The following ZNF791 variants were observed in gnomAD, a reference collection of about 807,000 sequenced individuals.
ZNF791 encodes the protein zinc finger protein 791.
In ZNF791, 4 loss-of-function variants were observed where a neutral mutation model predicts 11.5. The ratio of observed to expected loss-of-function variants is 0.35; its 90% confidence interval spans 0.17 to 0.80. ZNF791 has a LOEUF of 0.80. ZNF791 is among the 30% of genes least tolerant of loss of function. The pLI is 0.53. For synonymous variants in ZNF791, 212 were observed against 228.1 expected (o/e 0.93, Z 0.64); for missense variants, 559 against 699.4 (o/e 0.80, Z 2.26).
chr19:12,623,541 T>C, intron 1 of ZNF791, 159 bp from the exon 2 acceptor site: 1 of 846,374 alleles, frequency 1.2e-6, no homozygotes, highest in South Asian at 1.6e-5. Flanking sequence ...AAGATGTAGC[T>C]ATAAGTTTAT....
intron 1 of ZNF791, among the ~76,000 whole-genome samples, chr19:12,620,953 G>T (rs1329259085): frequency 6.6e-6 from 1 of 151,726 alleles, no homozygotes; most frequent in Non-Finnish European, 1.5e-5. Context: ...TAGAGGCAGG[G>T]TTTCTCCATG....
intron 1 of ZNF791, among the ~76,000 whole-genome samples, chr19:12,621,684 A>G (rs1371064362): frequency 4.2e-5 from 6 of 142,378 alleles, no homozygotes; most frequent in Admixed American, 2.8e-4. Flanking sequence ...AAGATTCTCA[A>G]TGTGTATTTA....
intron 1 of ZNF791, among the ~76,000 whole-genome samples, chr19:12,622,360 ATTAAAAAAAATAATAAAT>A (rs1393681124): frequency 1.4e-5 from 2 of 140,076 alleles, no homozygotes; most frequent in Admixed American, 1.5e-4. Context: ...AAAAAAATAA[ATTAAAAAAAATAATAAAT>A]AAAAAAAATA....
In ZNF791 at chr19:12,618,640, G is replaced by T. The variant is rs186119423; in HGVS notation, c.4-5060G>T. On this transcript the variant is annotated intron_variant, in intron 1 of 3. Coordinates refer to ENST00000343325, the MANE Select transcript of ZNF791 (RefSeq NM_153358.3). ...TAGCTGGGTATGGTGGTGCGTGCCT[G>T]TAATCCCAGCTACTCAGGAGGCTGA... Among the ~76,000 whole-genome samples, 1,286 of 151,830 alleles carry T rather than the reference G, an allele frequency of 8.5e-3. 9 individuals are homozygous for T. Among genetic ancestry groups the T allele is most frequent in the Non-Finnish European group, 0.013 (864 of 67,926 alleles).
chr19:12,619,469 AG>A (rs2023300482), intron 1 of ZNF791, among the ~76,000 whole-genome samples: 7 of 57,524 alleles, frequency 1.2e-4, no homozygotes, highest in Non-Finnish European at 2.3e-4. Context: ...TTTTTTTTTG[AG>A]ACGGAGTCTC....
intron 1 of ZNF791, among the ~76,000 whole-genome samples, chr19:12,613,229 G>T (rs935147905): frequency 1.3e-5 from 2 of 151,628 alleles, no homozygotes; most frequent in African/African-American, 4.8e-5. Context: ...CAAAGTGCTG[G>T]GATTATAGGT....
At chr19:12,620,434 C>T (rs564532916) in intron 1 of ZNF791, among the ~76,000 whole-genome samples, 2 of 152,132 alleles carry the variant, frequency 1.3e-5, no homozygotes, top group Non-Finnish European at 2.9e-5. Flanking sequence ...CCTCAGCCTC[C>T]CAAAGTGCTG....
At position 12,614,436 on chromosome 19, in the gene ZNF791, C is replaced by T. The variant is rs948304123; in HGVS notation, c.3+3354C>T. 5.9e-5 allele frequency among the ~76,000 whole-genome samples: 9 copies of T among 151,860 alleles called. No homozygotes were observed. In the East Asian group the frequency reaches 1.7e-3, roughly 29 times the overall value. ...ATTTTTAGTAGAGACGGGGTTTCACCGTGTTGACCAGGCTGGTCTCAAATT... is the reference window on the plus strand; with the variant it reads ...ATTTTTAGTAGAGACGGGGTTTCACTGTGTTGACCAGGCTGGTCTCAAATT... On this transcript the variant is annotated intron_variant, in intron 1 of 3. Coordinates refer to ENST00000343325, the MANE Select transcript of ZNF791 (RefSeq NM_153358.3).
intron 1 of ZNF791, among the ~76,000 whole-genome samples, chr19:12,622,162 G>A (rs552754415): frequency 1.5e-3 from 204 of 132,000 alleles, no homozygotes; most frequent in African/African-American, 5.3e-3. Context: ...CAGCATGCTC[G>A]TTAAGAGTCA....
rs375839185 is a variant in ZNF791 at position 12,624,658 on chromosome 19, T to C, written c.139T>C (p.Trp47Arg). Residue 47 changes from tryptophan to arginine, a missense_variant, in exon 3 of 4, where the codon TGG (tryptophan) becomes CGG (arginine). Trp to Arg is a moderately radical substitution (Grantham distance 101). Transcript: ENST00000343325. ...FKNLASIGEKWEDPNVEDQHK... is the reference protein window; with the variant it reads ...FKNLASIGEKREDPNVEDQHK... ...CTTGATCTACATTTTAGGGGAAAAA[T>C]GGGAAGACCCGAATGTTGAAGATCA... The C allele has an allele frequency of 1.9e-6, 3 of 1,605,262 alleles. No homozygotes were observed. The African/African-American group carries it at 4.0e-5, about 22-fold the overall frequency.
At chr19:12,621,748 C>G (rs1484648742) in intron 1 of ZNF791, among the ~76,000 whole-genome samples, 1 of 123,890 alleles carries the variant, frequency 8.1e-6, no homozygotes, top group Admixed American at 7.9e-5. Flanking sequence ...CGGCCAGCCG[C>G]CCCGTCCGGG....
intron 1 of ZNF791, among the ~76,000 whole-genome samples, chr19:12,611,367 G>A (rs1192129190): frequency 6.6e-6 from 1 of 152,204 alleles, no homozygotes; most frequent in Non-Finnish European, 1.5e-5. Context: ...ACAGTCTGGG[G>A]TTCCCAGTCC....
chr19:12,628,548 G>C lies in ZNF791; in HGVS notation c.1019G>C (p.Arg340Pro). 6.2e-7 allele frequency: 1 copy of C among 1,601,852 alleles called. No homozygotes were observed. The highest frequency in any genetic ancestry group is 8.5e-7 in the Non-Finnish European group (1 of 1,174,428). ...GAATGTGGGAAATCTTTCAGTGCAC[G>C]CCCAGCCTTTCGAGTACACGTGAGA... ...CKECGKSFSA[R>P]PAFRVHVRVH... Residue 340 changes from arginine to proline, a missense_variant, in exon 4 of 4, where the codon CGC becomes CCC. Transcript: ENST00000343325.
chr19:12,621,806 C>T (rs1294333286), intron 1 of ZNF791, among the ~76,000 whole-genome samples: 15 of 136,954 alleles, frequency 1.1e-4, no homozygotes, highest in African/African-American at 2.5e-4. Flanking sequence ...CCGCCCCGTC[C>T]GGGAGGTGAG....
rs181608165 is a variant in ZNF791, at chr19:12,632,447, C to T, written c.*3187C>T. On this transcript the variant is annotated 3_prime_UTR_variant, in exon 4 of 4. Transcript: ENST00000343325. ...ATGTGGAAGGTGGTGCATATATTAC[C>T]CATTATATATTTATTTCACCTTTTC... The T allele has an allele frequency of 5.3e-5, 8 of 151,980 alleles. No individual in the cohort carries two copies. The highest frequency in any genetic ancestry group is 1.9e-4 in the African/African-American group (8 of 41,464). The allele number at this position is 151,980 out of a possible 1,614,324, so 9.4% of individuals were successfully genotyped here.
At position 12,630,456 on chromosome 19, in the gene ZNF791, A is replaced by G. The variant is rs796738197; in HGVS notation, c.*1196A>G. The G allele has an allele frequency of 4.7e-5, 7 of 147,726 alleles. No homozygotes were observed. Among genetic ancestry groups the G allele is most frequent in the Non-Finnish European group, 9.0e-5 (6 of 66,830 alleles). The allele number at this position is 147,726 out of a possible 1,614,324, so 9.2% of individuals were successfully genotyped here. On this transcript the variant is annotated 3_prime_UTR_variant, in exon 4 of 4. Coordinates refer to ENST00000343325, the MANE Select transcript of ZNF791 (RefSeq NM_153358.3). Reference sequence around the variant, plus strand: ...GGTGACAGAGCGAGACTCCGTCTCGAAAAAAAAAAAATTACAGCACAGATG... The same window carrying G: ...GGTGACAGAGCGAGACTCCGTCTCGGAAAAAAAAAAATTACAGCACAGATG...
chr19:12,625,312 G>A (rs2023409299), intron 3 of ZNF791, among the ~76,000 whole-genome samples: 1 of 150,492 alleles, frequency 6.6e-6, no homozygotes, highest in African/African-American at 2.4e-5. Context: ...GTAGAGACAG[G>A]GTTTCTCCAT....
intron 3 of ZNF791, among the ~76,000 whole-genome samples, chr19:12,627,052 A>AT (rs944691461): frequency 6.6e-6 from 1 of 152,030 alleles, no homozygotes; most frequent in Admixed American, 6.6e-5. Context: ...GTGGTGGTGC[A>AT]TGCCTGTAGT....
Position 12,610,921 on chromosome 19 carries a change from A to G in ZNF791, c.-159A>G. 1 of 1,060,010 alleles carries G rather than the reference A, an allele frequency of 9.4e-7. No homozygotes were observed. Among genetic ancestry groups the G allele is most frequent in the Non-Finnish European group, 1.4e-6 (1 of 694,312 alleles). 65.7% of individuals were successfully genotyped at this position (1,060,010 alleles called of 1,614,324 possible). Reference sequence around the variant, plus strand: ...AAGGAGGGTACGGCTACGCTGCGCAAATGCGTGCTACGTCACTGTGCGATC... The same window carrying G: ...AAGGAGGGTACGGCTACGCTGCGCAGATGCGTGCTACGTCACTGTGCGATC... On this transcript the variant is annotated 5_prime_UTR_variant, in exon 1 of 4. Coordinates refer to ENST00000343325, the MANE Select transcript of ZNF791 (RefSeq NM_153358.3).
Sources: allele counts gnomAD v4.1 joint callset (sites outside exome capture counted in the v4.1 genomes callset), GRCh38; gene constraint gnomAD v4.1.1; transcripts MANE v1.5; gene names NCBI Gene and HGNC (gene_info 2026-07-23, HGNC 2026-07-21).